ANGPTL7: variants seen among roughly 807,000 people sequenced by gnomAD.
ANGPTL7 encodes the protein angiopoietin like 7, also known as angiopoietin-related protein 7.
A neutral mutation model predicts 38.8 loss-of-function variants in ANGPTL7; 37 were observed. The observed-to-expected ratio is 0.95, with a 90% CI of 0.73 to 1.25. The LOEUF (loss-of-function observed/expected upper bound fraction) is 1.25. Ranked by LOEUF, ANGPTL7 falls within the 50% of genes most tolerant of loss-of-function variation. ANGPTL7 has a pLI of 0.00. For missense variants in ANGPTL7, 427 were observed against 438.6 expected (o/e 0.97, Z 0.24); for synonymous variants, 166 against 163.2 (o/e 1.02, Z -0.13).
rs900926062 is a variant in ANGPTL7, at chr1:11,195,954, T to C, written c.*931T>C. 2 of 152,246 alleles carry C rather than the reference T, an allele frequency of 1.3e-5. No individual in the cohort carries two copies. The highest frequency in any genetic ancestry group is 6.5e-5 in the Admixed American group (1 of 15,288). The allele number at this position is 152,246 out of a possible 1,614,324, so 9.4% of individuals were successfully genotyped here. ...TTTAAACATTCAACGTTTCTTTTCC[T>C]TCTACAATAAACACTTTCAAAATGT... is the stretch of plus-strand genomic sequence containing the variant. On this transcript the variant is annotated 3_prime_UTR_variant, in exon 5 of 5. Coordinates refer to ENST00000376819, the MANE Select transcript of ANGPTL7 (RefSeq NM_021146.4).
chr1:11,194,994 A>C lies in ANGPTL7; in HGVS notation c.1012A>C (p.Lys338Gln). ...STYSLKRVEM[K>Q]IRPEDFKP ...CTACTCCCTCAAACGGGTGGAGATGAAAATCCGCCCAGAAGACTTCAAGCC... is the reference window on the plus strand; with the variant it reads ...CTACTCCCTCAAACGGGTGGAGATGCAAATCCGCCCAGAAGACTTCAAGCC... Residue 338 changes from lysine to glutamine, a missense_variant, in exon 5 of 5, where the codon AAA (lysine) becomes CAA (glutamine). Lys to Gln is a moderately conservative substitution (Grantham distance 53). Coordinates refer to ENST00000376819, the MANE Select transcript of ANGPTL7 (RefSeq NM_021146.4). The C allele has an allele frequency of 1.2e-6, 2 of 1,613,976 alleles. No individual in the cohort carries two copies. Among genetic ancestry groups the C allele is most frequent in the East Asian group, 2.2e-5 (1 of 44,868 alleles).
intron 1 of ANGPTL7, among the ~76,000 whole-genome samples, chr1:11,190,247 T>C (rs1476375694): frequency 6.6e-6 from 1 of 152,216 alleles, no homozygotes; most frequent in African/African-American, 2.4e-5. Context: ...GGTTCAAGTC[T>C]TCCTGATTGG....
In ANGPTL7 at chr1:11,189,608, C is replaced by G; in HGVS notation, c.29C>G (p.Thr10Ser). ...CTGAAAAAGCCTCTCTCAGCTGTGA[C>G]CTGGCTCTGCATTTTCATCGTGGCC... MLKKPLSAV[T>S]WLCIFIVAFV... The change falls in exon 1 of 5, where the codon ACC becomes AGC. Residue 10 changes from threonine (T) to serine (S), a missense_variant. Transcript: ENST00000376819. 6.2e-7 allele frequency: 1 copy of G among 1,613,140 alleles called. No homozygotes were observed. The highest frequency in any genetic ancestry group is 2.2e-5 in the East Asian group (1 of 44,866).
chr1:11,194,884 C>A lies in ANGPTL7; in HGVS notation c.902C>A (p.Ser301Tyr). The change falls in exon 5 of 5, where the codon TCC (serine) becomes TAC (tyrosine). Residue 301 changes from serine (S) to tyrosine (Y), a missense_variant. Ser to Tyr is a moderately radical substitution (Grantham distance 144, BLOSUM62 -2). Transcript: ENST00000376819. ...TACTGGTACAACTGCTGCACAGACT[C>A]CAACCTCAATGGAGTGTACTACCGC... ...GGYWYNCCTDSNLNGVYYRLG... is the reference protein window; with the variant it reads ...GGYWYNCCTDYNLNGVYYRLG... The A allele has an allele frequency of 1.2e-6, 2 of 1,614,162 alleles. No individual in the cohort carries two copies. The highest frequency in any genetic ancestry group is 1.7e-6 in the Non-Finnish European group (2 of 1,180,030).
At chr1:11,194,754 T>G in intron 4 of ANGPTL7, 95 bp downstream of exon 4, 2 of 1,599,150 alleles carry the variant, frequency 1.3e-6, no homozygotes, top group Non-Finnish European at 1.7e-6. Context: ...CAGTTGATAT[T>G]CCGGTTTTGG....
chr1:11,190,064 A>G, intron 1 of ANGPTL7, 109 bp downstream of exon 1: 1 of 1,330,516 alleles, frequency 7.5e-7, no homozygotes. Flanking sequence ...TTGTGGGTAC[A>G]CTTTCCCTTT....
chr1:11,193,104 G>C (rs543132795), intron 2 of ANGPTL7, among the ~76,000 whole-genome samples: 23 of 151,982 alleles, frequency 1.5e-4, no homozygotes, highest in Non-Finnish European at 3.1e-4. Context: ...ATCACCTGAG[G>C]TCAGGACTTT....
At chr1:11,191,331 A>T (rs559520894) in intron 1 of ANGPTL7, among the ~76,000 whole-genome samples, 2 of 152,304 alleles carry the variant, frequency 1.3e-5, no homozygotes, top group East Asian at 3.9e-4. Flanking sequence ...ACTAAGACGA[A>T]ATGAAGAATA....
chr1:11,194,328 A>G, intron 3 of ANGPTL7, 133 bp from the exon 4 acceptor site: 1 of 840,632 alleles, frequency 1.2e-6, no homozygotes, highest in Non-Finnish European at 1.9e-6. Context: ...GAGGTAAACA[A>G]GTAATAAAGT....
chr1:11,194,714 CT>C (rs887750725), intron 4 of ANGPTL7, 55 bp downstream of exon 4: 13 of 1,610,182 alleles, frequency 8.1e-6, no homozygotes, highest in Non-Finnish European at 1.1e-5. Flanking sequence ...CATAATCCCA[CT>C]TGAGGAGAAA....
At chr1:11,193,493 G>A in intron 2 of ANGPTL7, 87 bp from the exon 3 acceptor site, 2 of 1,247,776 alleles carry the variant, frequency 1.6e-6, no homozygotes, top group East Asian at 2.4e-5. Context: ...TGGCTCTGCA[G>A]GGACAGGAAC....
Position 11,189,971 on chromosome 1 carries a change from C to G in ANGPTL7, c.376+16C>G, listed in dbSNP as rs1040488726. On this transcript the variant is annotated intron_variant, in intron 1 of 4. Coordinates refer to ENST00000376819, the MANE Select transcript of ANGPTL7 (RefSeq NM_021146.4). The stretch of plus-strand genomic sequence containing the variant: ...ACCTCCGCAGGTAAGGAGACCAGTC[C>G]CCTGAGGGAGCGTGGAGTGCCTCCC... 1.9e-6 allele frequency: 3 copies of G among 1,590,748 alleles called. No homozygotes were observed. In the African/African-American group the frequency reaches 4.0e-5, roughly 21 times the overall value.
rs1557829974 is a variant in ANGPTL7, at chr1:11,194,921, CAAT to C, written c.942_944del (p.Asn314del). 1.2e-6 allele frequency: 2 copies of C among 1,614,182 alleles called. No individual in the cohort carries two copies. Among genetic ancestry groups the C allele is most frequent in the South Asian group, 2.2e-5 (2 of 91,086 alleles). ...GAGTGTACTACCGCCTGGGTGAGCA[CAAT>C]AAGCACCTGGATGGCATCACCTGGT... On this transcript the variant is annotated inframe_deletion, in exon 5 of 5. Coordinates refer to ENST00000376819, the MANE Select transcript of ANGPTL7 (RefSeq NM_021146.4).
In ANGPTL7 at chr1:11,193,903, A is replaced by T. The variant is rs1029451036; in HGVS notation, c.672+129A>T. 2.9e-6 allele frequency: 3 copies of T among 1,049,002 alleles called. No homozygotes were observed. In the African/African-American group the frequency reaches 4.9e-5, roughly 17 times the overall value. The allele number at this position is 1,049,002 out of a possible 1,614,324, so 65.0% of individuals were successfully genotyped here. A position where few individuals can be genotyped will look rare whatever the true frequency, so the allele number is the denominator to read the frequency against. On this transcript the variant is annotated intron_variant, in intron 3 of 4. Transcript: ENST00000376819. The stretch of plus-strand genomic sequence containing the variant: ...ATATTCATTGTGATGGTTTTCCTGC[A>T]AGTTGTAATGGAGTTGAGGAAAAAT...
In ANGPTL7 at chr1:11,194,562, G is replaced by A. The variant is rs1645702214; in HGVS notation, c.774G>A (p.Val258=). 1.9e-6 allele frequency: 3 copies of A among 1,614,178 alleles called. No individual in the cohort carries two copies. Among genetic ancestry groups the A allele is most frequent in the Admixed American group, 1.7e-5 (1 of 60,024 alleles). The change falls in exon 4 of 5, where the codon GTG becomes GTA. Residue 258 remains valine (V), a synonymous_variant. Coordinates refer to ENST00000376819, the MANE Select transcript of ANGPTL7 (RefSeq NM_021146.4). The part of the protein sequence containing the change: ...RLFLGNYTGN[V]GNDALQYHNN... The stretch of plus-strand genomic sequence containing the variant: ...TCCTGGGGAACTACACTGGCAATGT[G>A]GGGAACGACGCCCTCCAGTATCATA...
chr1:11,189,997 C>G, intron 1 of ANGPTL7, 42 bp downstream of exon 1: 1 of 1,563,792 alleles, frequency 6.4e-7, no homozygotes, highest in Non-Finnish European at 8.6e-7. Context: ...AGTGCCTCCC[C>G]ATCTACAGCA....
Position 11,195,171 on chromosome 1 carries a change from C to A in ANGPTL7, c.*148C>A. The A allele has an allele frequency of 1.1e-6, 1 of 882,688 alleles. No individual in the cohort carries two copies. The highest frequency in any genetic ancestry group is 2.7e-5 in the East Asian group (1 of 37,392). 54.7% of individuals were successfully genotyped at this position (882,688 alleles called of 1,614,324 possible). ...AGAAAGAATAAGTCTCCAAGGAGCA[C>A]AAAAAAATCATATGTACCAAGGATG... On this transcript the variant is annotated 3_prime_UTR_variant, in exon 5 of 5. Transcript: ENST00000376819.
rs951804113 is a variant in ANGPTL7, at chr1:11,189,365, G to T, written c.-215G>T. 2.8e-5 allele frequency: 16 copies of T among 571,184 alleles called. No individual in the cohort carries two copies. The highest frequency in any genetic ancestry group is 2.4e-4 in the African/African-American group (13 of 53,616). The allele number at this position is 571,184 out of a possible 1,614,324, so 35.4% of individuals were successfully genotyped here. A position where few individuals can be genotyped will look rare whatever the true frequency, so the allele number is the denominator to read the frequency against. ...ACTTGTGGAGCATTCGGGCTTGGAA[G>T]GAAAGCTATAGGCTACCCATTCAGC... is the stretch of plus-strand genomic sequence containing the variant. On this transcript the variant is annotated 5_prime_UTR_variant, in exon 1 of 5. The change creates a new upstream start codon in the 5' untranslated region. Coordinates refer to ENST00000376819, the MANE Select transcript of ANGPTL7 (RefSeq NM_021146.4).
chr1:11,194,412 T>C (rs751198206), intron 3 of ANGPTL7, 49 bp from the exon 4 acceptor site: 3 of 1,579,422 alleles, frequency 1.9e-6, no homozygotes, highest in Admixed American at 1.7e-5. Flanking sequence ...AGAGACAGCA[T>C]GAAATGGAGC....
Sources: allele counts gnomAD v4.1 joint callset (sites outside exome capture counted in the v4.1 genomes callset), GRCh38; gene constraint gnomAD v4.1.1; transcripts MANE v1.5; gene names NCBI Gene and HGNC (gene_info 2026-07-23, HGNC 2026-07-21).